The following MTSS1 variants were observed in gnomAD, a reference collection of about 807,000 sequenced individuals.
MTSS1 encodes MTSS I-BAR domain containing 1, also known as protein MTSS 1.
MTSS1 carries 18 observed loss-of-function variants against 79.0 expected under a neutral mutation model. The observed-to-expected ratio is 0.23, with a 90% CI of 0.16 to 0.34. The LOEUF is 0.34. MTSS1 is among the 10% of genes least tolerant of loss of function. The pLI, the probability that MTSS1 is intolerant of heterozygous loss-of-function variation, is 1.00. For synonymous variants in MTSS1, 341 were observed against 368.6 expected (o/e 0.93, Z 0.86); for missense variants, 815 against 986.2 (o/e 0.83, Z 2.33).
intron 3 of MTSS1, among the ~76,000 whole-genome samples, chr8:124,599,346 G>C (rs190488893): frequency 2.6e-5 from 4 of 151,572 alleles, no homozygotes; most frequent in African/African-American, 9.8e-5. Context: ...TAGCCAGCAC[G>C]GTGGTGGGTG....
intron 3 of MTSS1, among the ~76,000 whole-genome samples, chr8:124,632,085 TG>T (rs1489328720): frequency 6.6e-6 from 1 of 152,068 alleles, no homozygotes; most frequent in Non-Finnish European, 1.5e-5. Context: ...GAGACCAGCC[TG>T]GGCAACATAG....
rs779551332 is a variant in MTSS1, at chr8:124,553,493, G to A, written c.1767C>T (p.Ile589=). The A allele has an allele frequency of 2.7e-5, 44 of 1,613,032 alleles. 1 individual carries two copies. The South Asian group carries it at 4.5e-4, about 17-fold the overall frequency. ...PAMVTPGVAT[I]RRTPSTKPSV... ...AAGGCTTGGTGGAAGGGGTCCGTCG[G>A]ATAGTTGCAACCCCTGGAGTGACCA... The change falls in exon 14 of 14, where the codon ATC becomes ATT. Residue 589 remains isoleucine, a synonymous_variant. Coordinates refer to ENST00000518547, the MANE Select transcript of MTSS1 (RefSeq NM_014751.6). The surrounding 1 kb of genome is among the most constrained non-coding windows in gnomAD (Gnocchi z 6.0).
chr8:124,674,007 G>A (rs1164294565), intron 3 of MTSS1, among the ~76,000 whole-genome samples: 2 of 152,186 alleles, frequency 1.3e-5, no homozygotes, highest in Non-Finnish European at 2.9e-5. Context: ...GCATGATCCA[G>A]GGTGGAAGGG....
At chr8:124,677,387 G>T (rs1825482849) in intron 3 of MTSS1, among the ~76,000 whole-genome samples, 2 of 152,136 alleles carry the variant, frequency 1.3e-5, no homozygotes, top group African/African-American at 4.8e-5. Context: ...AGGGCCCTTT[G>T]GTCTCTGCTG....
At chr8:124,572,100 C>T (rs1827917010) in intron 6 of MTSS1, among the ~76,000 whole-genome samples, 1 of 152,090 alleles carries the variant, frequency 6.6e-6, no homozygotes, top group Non-Finnish European at 1.5e-5. Context: ...ACTTTAAAAA[C>T]TGTATCTACA....
chr8:124,697,042 T>G (rs1828954291), intron 3 of MTSS1, among the ~76,000 whole-genome samples: 2 of 152,138 alleles, frequency 1.3e-5, no homozygotes, highest in South Asian at 4.1e-4. Context: ...TTCCAGGCCC[T>G]GCAGTGTCCC....
At chr8:124,658,028 C>T (rs1450766533) in intron 3 of MTSS1, among the ~76,000 whole-genome samples, 1 of 152,128 alleles carries the variant, frequency 6.6e-6, no homozygotes, top group East Asian at 1.9e-4. Context: ...CCCTCCACCA[C>T]GTGAGGATAT....
At chr8:124,692,831 C>T (rs570453152) in intron 3 of MTSS1, among the ~76,000 whole-genome samples, 6 of 152,170 alleles carry the variant, frequency 3.9e-5, no homozygotes, top group South Asian at 4.2e-4. Context: ...ACTGTTTGCA[C>T]GCAGTCGTTC....
intron 3 of MTSS1, among the ~76,000 whole-genome samples, chr8:124,648,713 C>CCCCG (rs200781680): frequency 8.6e-5 from 13 of 151,576 alleles, no homozygotes; most frequent in African/African-American, 2.7e-4. Context: ...ATAGCAGCCC[C>CCCCG]CCCCCAGATA....
At chr8:124,633,449 A>G (rs1490445990) in intron 3 of MTSS1, among the ~76,000 whole-genome samples, 1 of 152,156 alleles carries the variant, frequency 6.6e-6, no homozygotes, top group East Asian at 1.9e-4. Flanking sequence ...CCTAAAAGGA[A>G]AAATTAAGTC....
intron 3 of MTSS1, among the ~76,000 whole-genome samples, chr8:124,640,298 C>T (rs1475742266): frequency 2.0e-5 from 3 of 152,132 alleles, no homozygotes; most frequent in Admixed American, 1.3e-4. Flanking sequence ...TTTAAAAAGT[C>T]GGGGTAGGAA....
intron 3 of MTSS1, among the ~76,000 whole-genome samples, chr8:124,647,278 T>A (rs1006767952): frequency 2.0e-4 from 31 of 152,252 alleles, no homozygotes; most frequent in African/African-American, 6.5e-4. Flanking sequence ...AGAGTTTTTT[T>A]ATGAAATACG....
chr8:124,682,121 A>C (rs1826219720), intron 3 of MTSS1, among the ~76,000 whole-genome samples: 1 of 152,266 alleles, frequency 6.6e-6, no homozygotes, highest in South Asian at 2.1e-4. Context: ...AAAGGTTCTT[A>C]AACAGCAGCC....
intron 6 of MTSS1, among the ~76,000 whole-genome samples, chr8:124,583,625 C>G (rs111246949): frequency 0.029 from 4,365 of 152,180 alleles, 227 homozygotes; most frequent in African/African-American, 0.099. Context: ...TGAGGGAAAA[C>G]AGCCACTTTT....
In MTSS1 at chr8:124,597,289, T is replaced by C. The variant is rs889948626; in HGVS notation, c.209-6054A>G. On this transcript the variant is annotated intron_variant, in intron 3 of 13. Coordinates refer to ENST00000518547, the MANE Select transcript of MTSS1 (RefSeq NM_014751.6). The surrounding 1 kb of genome is among the most constrained non-coding windows in gnomAD (Gnocchi z 4.6). ...TTAACAACCTTGCTGAGGGCCACAT[T>C]GCTGGTCAGCAGTAGAGCCAAAATC... Among the ~76,000 whole-genome samples the C allele has an allele frequency of 2.3e-4, 35 of 152,168 alleles. No homozygotes were observed. Among genetic ancestry groups the C allele is most frequent in the African/African-American group, 8.4e-4 (35 of 41,426 alleles).
intron 6 of MTSS1, 58 bp downstream of exon 6, chr8:124,585,029 A>G: frequency 6.8e-7 from 1 of 1,480,602 alleles, no homozygotes; most frequent in Non-Finnish European, 9.4e-7. Context: ...TTTCACTTCA[A>G]AAACAAATCA....
chr8:124,685,823 G>C (rs1826869139), intron 3 of MTSS1, among the ~76,000 whole-genome samples: 1 of 152,060 alleles, frequency 6.6e-6, no homozygotes, highest in African/African-American at 2.4e-5. Flanking sequence ...AGACATTCAG[G>C]AGAAAACAAG....
chr8:124,624,071 C>T (rs1160923416), intron 3 of MTSS1, among the ~76,000 whole-genome samples: 1 of 152,216 alleles, frequency 6.6e-6, no homozygotes, highest in African/African-American at 2.4e-5. Context: ...CTGATATGTG[C>T]TGTTACACCA....
At position 124,623,805 on chromosome 8, in the gene MTSS1, A is replaced by G. The variant is rs559098871; in HGVS notation, c.209-32570T>C. 2.2e-3 allele frequency among the ~76,000 whole-genome samples: 337 copies of G among 152,026 alleles called. 1 individual carries two copies. The highest frequency in any genetic ancestry group is 7.6e-3 in the African/African-American group (317 of 41,468). On this transcript the variant is annotated intron_variant, in intron 3 of 13. Coordinates refer to ENST00000518547, the MANE Select transcript of MTSS1 (RefSeq NM_014751.6). ...CAGGCCCACACCACCACACCCGACT[A>G]ATTTTTGTATTTTTAGTAGAGACCG...
Sources: allele counts gnomAD v4.1 joint callset (sites outside exome capture counted in the v4.1 genomes callset), GRCh38; gene constraint gnomAD v4.1.1; non-coding constraint Gnocchi (gnomAD v3.1); transcripts MANE v1.5; gene names NCBI Gene and HGNC (gene_info 2026-07-23, HGNC 2026-07-21).